The following ADARB1 variants were observed in gnomAD, a reference collection of about 807,000 sequenced individuals.
ADARB1 encodes double-stranded RNA-specific editase 1.
ADARB1 carries 10 observed loss-of-function variants against 52.4 expected under a neutral mutation model. The ratio of observed to expected loss-of-function variants is 0.19; its 90% CI spans 0.12 to 0.32. ADARB1 has a LOEUF of 0.32. Ranked by LOEUF, ADARB1 falls within the 10% of genes least tolerant of loss-of-function variation. The probability of loss-of-function intolerance (pLI) is 1.00; values close to 1 mark genes in which losing one functional copy is unlikely to be tolerated. For missense variants in ADARB1, 643 were observed against 922.3 expected (o/e 0.70, Z 3.92); for synonymous variants, 349 against 371.1 (o/e 0.94, Z 0.68).
At chr21:45,103,553 G>A (rs964376765) in intron 1 of ADARB1, among the ~76,000 whole-genome samples, 8 of 151,842 alleles carry the variant, frequency 5.3e-5, no homozygotes, top group Middle Eastern at 3.4e-3. Context: ...CCTCACATGC[G>A]CAGTTCACAA....
At chr21:45,077,069 G>T (rs1368542491) in intron 1 of ADARB1, among the ~76,000 whole-genome samples, 1 of 152,226 alleles carries the variant, frequency 6.6e-6, no homozygotes, top group African/African-American at 2.4e-5. Flanking sequence ...AGTGTGTATT[G>T]TATATGTTTT....
chr21:45,161,771 AC>A (rs1457113577), intron 2 of ADARB1, among the ~76,000 whole-genome samples: 3 of 152,152 alleles, frequency 2.0e-5, no homozygotes, highest in African/African-American at 7.2e-5. Flanking sequence ...GTGAGAACTT[AC>A]GGTGCTTTTC....
chr21:45,194,442 C>G (rs960178418), intron 8 of ADARB1, among the ~76,000 whole-genome samples: 1 of 112,578 alleles, frequency 8.9e-6, no homozygotes, highest in African/African-American at 4.5e-5. Context: ...TGTTCACCCC[C>G]TCTCACCTCC....
rs138974538 is a variant in ADARB1 at position 45,220,959 on chromosome 21, C to T, written c.1871C>T (p.Ala624Val). 4 of 1,613,152 alleles carry T rather than the reference C, an allele frequency of 2.5e-6. No homozygotes were observed. Among genetic ancestry groups the T allele is most frequent in the East Asian group, 2.2e-5 (1 of 44,904 alleles). ...ACTGGGAAGGATGAGCTGGGCCGCG[C>T]GTCCCGCCTGTGTAAGCACGCGTTG... is the stretch of plus-strand genomic sequence containing the variant. The part of the protein sequence containing the change: ...ATTGKDELGR[A>V]SRLCKHALYC... The change falls in exon 10 of 11, where the codon GCG becomes GTG. Residue 624 changes from alanine to valine, a missense_variant. Transcript: ENST00000348831. The surrounding 1 kb of genome is among the most constrained non-coding windows in gnomAD (Gnocchi z 6.3).
At chr21:45,092,355 C>T (rs2086590727) in intron 1 of ADARB1, among the ~76,000 whole-genome samples, 1 of 152,226 alleles carries the variant, frequency 6.6e-6, no homozygotes, top group African/African-American at 2.4e-5. Context: ...TCTCTCTCTT[C>T]TCATTCTCTC....
At chr21:45,077,325 A>G (rs1339088835) in intron 1 of ADARB1, among the ~76,000 whole-genome samples, 3 of 152,256 alleles carry the variant, frequency 2.0e-5, no homozygotes, top group Non-Finnish European at 4.4e-5. Flanking sequence ...AAAGTTATCA[A>G]GCTTAGTTTG....
At chr21:45,092,595 C>T (rs2086603015) in intron 1 of ADARB1, among the ~76,000 whole-genome samples, 1 of 152,056 alleles carries the variant, frequency 6.6e-6, no homozygotes, top group South Asian at 2.1e-4. Flanking sequence ...TATTGTTCTC[C>T]TGTTGGATTT....
At chr21:45,149,750 AATC>A (rs1185092956) in intron 2 of ADARB1, among the ~76,000 whole-genome samples, 6 of 152,244 alleles carry the variant, frequency 3.9e-5, no homozygotes, top group African/African-American at 1.4e-4. Flanking sequence ...GCAAATGACT[AATC>A]ATGTTTTATA....
chr21:45,100,151 C>T (rs767504344), intron 1 of ADARB1, among the ~76,000 whole-genome samples: 1 of 152,136 alleles, frequency 6.6e-6, no homozygotes, highest in Non-Finnish European at 1.5e-5. Context: ...AATTATTCAA[C>T]ATATACAGAA....
At chr21:45,151,012 A>T (rs147759149) in intron 2 of ADARB1, among the ~76,000 whole-genome samples, 1 of 152,214 alleles carries the variant, frequency 6.6e-6, no homozygotes, top group Non-Finnish European at 1.5e-5. Context: ...GCAAGCAGGA[A>T]CAAAGGGTCA....
chr21:45,144,889 AG>A (rs960688870), intron 2 of ADARB1: 7 of 224,762 alleles, frequency 3.1e-5, no homozygotes, highest in African/African-American at 1.1e-4. Context: ...TTTTGATGTT[AG>A]GAAGATTTAC....
intron 2 of ADARB1, among the ~76,000 whole-genome samples, chr21:45,138,793 C>T (rs2089535947): frequency 6.6e-6 from 1 of 152,138 alleles, no homozygotes; most frequent in African/African-American, 2.4e-5. Flanking sequence ...CTGAGTGGCC[C>T]ATGTGCTCGT....
At chr21:45,152,001 TAAGAG>T (rs1174302411) in intron 2 of ADARB1, among the ~76,000 whole-genome samples, 2 of 152,114 alleles carry the variant, frequency 1.3e-5, no homozygotes, top group Non-Finnish European at 2.9e-5. Context: ...ACACGTGAGT[TAAGAG>T]AGGAGGAAGA....
At position 45,180,194 on chromosome 21, in the gene ADARB1, A is replaced by G. The variant is rs1023301208; in HGVS notation, c.964-136A>G. On this transcript the variant is annotated intron_variant, in intron 4 of 10. Transcript: ENST00000348831. ...AAACATACACACATACTTGTTTGCCAGATTTACCTGTGTGGTCTTCCAGAT... is the reference window on the plus strand; with the variant it reads ...AAACATACACACATACTTGTTTGCCGGATTTACCTGTGTGGTCTTCCAGAT... The G allele has an allele frequency of 1.2e-5, 8 of 667,676 alleles. No individual in the cohort carries two copies. The South Asian group carries it at 1.4e-4, about 12-fold the overall frequency. The allele number at this position is 667,676 out of a possible 1,614,324, so 41.4% of individuals were successfully genotyped here. A position where few individuals can be genotyped will look rare whatever the true frequency, so the allele number is the denominator to read the frequency against.
At chr21:45,182,896 C>T in intron 6 of ADARB1, 143 bp downstream of exon 6, 1 of 782,482 alleles carries the variant, frequency 1.3e-6, no homozygotes, top group Non-Finnish European at 1.9e-6. Flanking sequence ...AATAAGGCTG[C>T]ATCCCATTCT....
chr21:45,191,522 T>C (rs1471632771), intron 8 of ADARB1, among the ~76,000 whole-genome samples: 1 of 152,182 alleles, frequency 6.6e-6, no homozygotes, highest in African/African-American at 2.4e-5. Context: ...AAATGTTTTA[T>C]GTGTGTCTAT....
intron 1 of ADARB1, among the ~76,000 whole-genome samples, chr21:45,086,413 T>G (rs1369149492): frequency 6.6e-6 from 1 of 152,186 alleles, no homozygotes; most frequent in Non-Finnish European, 1.5e-5. Flanking sequence ...ATGTCTGAGT[T>G]GTGCAGACAT....
In ADARB1 at chr21:45,142,821, G is replaced by T. The variant is rs2089798987; in HGVS notation, c.-48+14248G>T. On this transcript the variant is annotated intron_variant, in intron 2 of 10. Coordinates refer to ENST00000348831, the MANE Select transcript of ADARB1 (RefSeq NM_001112.4). This position sits in a 1 kb window ranked among gnomAD's most constrained non-coding sequence, Gnocchi z 4.0. ...GGGATCTGAGGGGCCCAGAAGGTAA[G>T]AAATTGCCTACGGCCCTTGGCTAAT... is the stretch of plus-strand genomic sequence containing the variant. Among the ~76,000 whole-genome samples, 1 of 152,204 alleles carries T rather than the reference G, an allele frequency of 6.6e-6. No homozygotes were observed. The highest frequency in any genetic ancestry group is 2.1e-4 in the South Asian group (1 of 4,834).
At chr21:45,219,301 A>G (rs919806081) in intron 9 of ADARB1, among the ~76,000 whole-genome samples, 3 of 152,140 alleles carry the variant, frequency 2.0e-5, no homozygotes, top group African/African-American at 7.2e-5. Context: ...CGAGGCGGGA[A>G]GATCATGAAG....
Sources: allele counts gnomAD v4.1 joint callset (sites outside exome capture counted in the v4.1 genomes callset), GRCh38; gene constraint gnomAD v4.1.1; non-coding constraint Gnocchi (gnomAD v3.1); transcripts MANE v1.5; gene names NCBI Gene and HGNC (gene_info 2026-07-23, HGNC 2026-07-21).